DNAH6: variants seen among roughly 807,000 people sequenced by gnomAD.
DNAH6 encodes the protein axonemal beta dynein heavy chain 6.
A neutral mutation model predicts 491.4 loss-of-function variants in DNAH6; 340 were observed. The ratio of observed to expected loss-of-function variants is 0.69; its 90% confidence interval spans 0.63 to 0.76. DNAH6 has a LOEUF of 0.76. Among genes scored for constraint, DNAH6 ranks in the 30% least tolerant of loss-of-function variants. The probability of loss-of-function intolerance (pLI) is 0.00; values close to 1 mark genes in which losing one functional copy is unlikely to be tolerated. For missense variants in DNAH6, 4,443 were observed against 4,972.2 expected (o/e 0.89, Z 3.20); for synonymous variants, 1,603 against 1,686.1 (o/e 0.95, Z 1.21).
At chr2:84,652,628 A>G (rs983769883) in intron 33 of DNAH6, among the ~76,000 whole-genome samples, 6 of 152,030 alleles carry the variant, frequency 3.9e-5, no homozygotes, top group African/African-American at 1.4e-4. Flanking sequence ...CCTTACCACA[A>G]TGTTGCAAAA....
intron 11 of DNAH6, among the ~76,000 whole-genome samples, chr2:84,571,675 A>T (rs1299244117): frequency 1.3e-5 from 2 of 151,878 alleles, no homozygotes; most frequent in African/African-American, 4.8e-5. Context: ...ACACTTTGGG[A>T]GGCCTAGGTG....
chr2:84,657,674 G>A (rs1691106551), intron 35 of DNAH6, among the ~76,000 whole-genome samples: 1 of 151,916 alleles, frequency 6.6e-6, no homozygotes, highest in African/African-American at 2.4e-5. Flanking sequence ...CTGCAACTTT[G>A]CTATAATTAC....
chr2:84,727,661 T>C lies in DNAH6; in HGVS notation c.9973-8T>C. Reference sequence around the variant, plus strand: ...TCAGAGACATTGATAGAGCTCTCTTTCACACAGTTGTTCAATACCACCATT... The same window carrying C: ...TCAGAGACATTGATAGAGCTCTCTTCCACACAGTTGTTCAATACCACCATT... On this transcript the variant is annotated splice_polypyrimidine_tract_variant and splice_region_variant and intron_variant, in intron 60 of 76. Coordinates refer to ENST00000389394, the MANE Select transcript of DNAH6 (RefSeq NM_001370.2). The C allele has an allele frequency of 6.6e-7, 1 of 1,509,532 alleles. No individual in the cohort carries two copies. The highest frequency in any genetic ancestry group is 1.2e-5 in the South Asian group (1 of 83,090). The allele number at this position is 1,509,532 out of a possible 1,614,324, so 93.5% of individuals were successfully genotyped here.
the DNAH6 span, among the ~76,000 whole-genome samples, chr2:84,496,426 A>G: frequency 1.3e-5 from 2 of 152,356 alleles, no homozygotes; most frequent in East Asian, 3.9e-4. Flanking sequence ...GCTTACAAAA[A>G]TATAATCATG....
At chr2:84,777,230 A>G (rs1676220247) in intron 64 of DNAH6, 1 of 206,524 alleles carries the variant, frequency 4.8e-6, no homozygotes, top group Non-Finnish European at 1.0e-5. Context: ...CGTACCCTAG[A>G]ACTTAAAGTA....
chr2:84,506,884 T>C, the DNAH6 span, among the ~76,000 whole-genome samples: 150 of 152,108 alleles, frequency 9.9e-4, 1 homozygote, highest in African/African-American at 3.3e-3. Context: ...TGTAGATATG[T>C]GGCATTATTT....
At chr2:84,813,776 G>T (rs1680228705) in intron 74 of DNAH6, among the ~76,000 whole-genome samples, 195 bp from the exon 75 acceptor site, 1 of 151,920 alleles carries the variant, frequency 6.6e-6, no homozygotes, top group African/African-American at 2.4e-5. Flanking sequence ...CCATCCCTTG[G>T]GCCCTTACCT....
At chr2:84,728,895 C>T (rs1189353178) in intron 61 of DNAH6, among the ~76,000 whole-genome samples, 1 of 152,132 alleles carries the variant, frequency 6.6e-6, no homozygotes, top group Non-Finnish European at 1.5e-5. Flanking sequence ...ACTCTAAATT[C>T]TTGGCTCTGT....
chr2:84,740,446 G>A (rs981572748), intron 62 of DNAH6, among the ~76,000 whole-genome samples: 1 of 152,162 alleles, frequency 6.6e-6, no homozygotes, highest in African/African-American at 2.4e-5. Context: ...CCAAATCCAT[G>A]ACAGGGCACT....
chr2:84,522,208 C>T (rs1476862287), intron 2 of DNAH6, among the ~76,000 whole-genome samples: 1 of 151,840 alleles, frequency 6.6e-6, no homozygotes, highest in Non-Finnish European at 1.5e-5. Flanking sequence ...TTAAAATATT[C>T]CTAGGTATTT....
rs140395424 is a variant in DNAH6, at chr2:84,649,712, A to G, written c.5079-3607A>G. Among the ~76,000 whole-genome samples the G allele has an allele frequency of 7.4e-3, 1,118 of 152,082 alleles. 6 individuals carry two copies. The highest frequency in any genetic ancestry group is 0.024 in the Middle Eastern group (7 of 294). Reference sequence around the variant, plus strand: ...CACCATTATCCTCAGCAAACTATAAAAAGGAATGAGATCATGTTCCTTTTC... The same window carrying G: ...CACCATTATCCTCAGCAAACTATAAGAAGGAATGAGATCATGTTCCTTTTC... On this transcript the variant is annotated intron_variant, in intron 33 of 76. Coordinates refer to ENST00000389394, the MANE Select transcript of DNAH6 (RefSeq NM_001370.2).
At chr2:84,460,485 T>C in the DNAH6 span, among the ~76,000 whole-genome samples, 79 of 152,382 alleles carry the variant, frequency 5.2e-4, no homozygotes, top group Non-Finnish European at 2.1e-4. Flanking sequence ...TGATAAGTTA[T>C]ATGTTTAGTT....
At chr2:84,561,116 C>G (rs531228518) in intron 11 of DNAH6, among the ~76,000 whole-genome samples, 1 of 152,188 alleles carries the variant, frequency 6.6e-6, no homozygotes, top group African/African-American at 2.4e-5. Flanking sequence ...TCCTCTCCAG[C>G]ACCTGTTGTT....
chr2:84,529,285 A>G lies in DNAH6; in HGVS notation c.662+119A>G, dbSNP rs143639599. 9.9e-4 allele frequency: 790 copies of G among 797,852 alleles called. 2 individuals carry two copies. The African/African-American group carries it at 0.012, about 12-fold the overall frequency. The allele number at this position is 797,852 out of a possible 1,614,324, so 49.4% of individuals were successfully genotyped here. A position where few individuals can be genotyped will look rare whatever the true frequency, so the allele number is the denominator to read the frequency against. On this transcript the variant is annotated intron_variant, in intron 4 of 76. Coordinates refer to ENST00000389394, the MANE Select transcript of DNAH6 (RefSeq NM_001370.2). ...TCAAATATAATTTTGGTTATCATTC[A>G]ATGATAAATGAATCCTAATCACAAC...
chr2:84,659,044 A>C lies in DNAH6; in HGVS notation c.5959A>C (p.Thr1987Pro), dbSNP rs1261845932. 27 of 1,450,574 alleles carry C rather than the reference A, an allele frequency of 1.9e-5. No homozygotes were observed. Among genetic ancestry groups the C allele is most frequent in the Non-Finnish European group, 2.1e-5 (22 of 1,069,438 alleles). 89.9% of individuals were successfully genotyped at this position (1,450,574 alleles called of 1,614,324 possible). Residue 1987 changes from threonine to proline, a missense_variant, in exon 37 of 77, where the codon ACT becomes CCT. This residue lies in a region of DNAH6 where 2,977 missense variants were observed against 3,296.6 expected (regional missense o/e 0.90). Coordinates refer to ENST00000389394, the MANE Select transcript of DNAH6 (RefSeq NM_001370.2). ...NLAMEQTKLNTILCQTFVFCY... is the reference protein window; with the variant it reads ...NLAMEQTKLNPILCQTFVFCY... ...CTTTCAGGAACAAACAAAATTGAAC[A>C]CTATACTATGTCAGACTTTTGTATT... is the stretch of plus-strand genomic sequence containing the variant.
At chr2:84,637,619 C>T (rs1689006467) in intron 31 of DNAH6, among the ~76,000 whole-genome samples, 1 of 152,146 alleles carries the variant, frequency 6.6e-6, no homozygotes, top group Non-Finnish European at 1.5e-5. Context: ...TGGAAAGAAT[C>T]AATGAGTTAA....
intron 10 of DNAH6, among the ~76,000 whole-genome samples, chr2:84,555,194 T>C (rs1679895141): frequency 6.6e-6 from 1 of 152,206 alleles, no homozygotes. Context: ...GAAAATTATA[T>C]ACTTAAGTCA....
rs1017786042 is a variant in DNAH6, at chr2:84,621,600, T to G, written c.4071+49T>G. On this transcript the variant is annotated intron_variant, in intron 26 of 76. Coordinates refer to ENST00000389394, the MANE Select transcript of DNAH6 (RefSeq NM_001370.2). ...TTGTTGTCCTGCAAGATGGTCTTGG[T>G]GGGTTTTTTTTTAAAGCACAGTTAA... is the stretch of plus-strand genomic sequence containing the variant. The G allele has an allele frequency of 3.2e-6, 4 of 1,235,970 alleles. No individual in the cohort carries two copies. In the African/African-American group the frequency reaches 6.1e-5, roughly 19 times the overall value. The allele number at this position is 1,235,970 out of a possible 1,614,324, so 76.6% of individuals were successfully genotyped here.
At chr2:84,667,274 T>C (rs1218430212) in intron 37 of DNAH6, among the ~76,000 whole-genome samples, 5 of 152,174 alleles carry the variant, frequency 3.3e-5, no homozygotes, top group African/African-American at 9.7e-5. Context: ...AAAGAGCTTC[T>C]GCACAGCAAA....
Sources: gnomAD v4.1 joint callset for allele counts (sites outside exome capture counted in the v4.1 genomes callset) on GRCh38, gnomAD v4.1.1 for gene constraint, gnomAD v4.1.1 regional missense constraint, MANE v1.5 for transcripts, NCBI Gene and HGNC (gene_info 2026-07-23, HGNC 2026-07-21) for gene names.